The following PDE7B variants were observed in gnomAD, a reference collection of about 807,000 sequenced individuals.
The protein encoded by PDE7B is phosphodiesterase 7B, also known as 3',5'-cyclic-AMP phosphodiesterase 7B.
In PDE7B, 29 loss-of-function variants were observed where a neutral mutation model predicts 56.2. The ratio of observed to expected loss-of-function variants is 0.52; its 90% CI spans 0.38 to 0.70. The LOEUF is 0.70. PDE7B is among the 30% of genes least tolerant of loss of function. The pLI, the probability that PDE7B is intolerant of heterozygous loss-of-function variation, is 0.00. For synonymous variants in PDE7B, 197 were observed against 196.9 expected (o/e 1.00, Z 0.00); for missense variants, 490 against 565.0 (o/e 0.87, Z 1.35).
At chr6:136,008,615 G>A (rs1387765696) in intron 2 of PDE7B, among the ~76,000 whole-genome samples, 4 of 152,158 alleles carry the variant, frequency 2.6e-5, no homozygotes, top group Admixed American at 2.6e-4. Flanking sequence ...TGTGTCTTTT[G>A]GCTGCATAAA....
intron 2 of PDE7B, among the ~76,000 whole-genome samples, chr6:135,998,191 C>T (rs1321613643): frequency 1.3e-5 from 2 of 151,970 alleles, no homozygotes; most frequent in African/African-American, 4.8e-5. Context: ...CATAGTTTTT[C>T]CAAGTAAAAA....
chr6:135,943,270 T>C (rs1774537939), intron 1 of PDE7B, among the ~76,000 whole-genome samples: 1 of 152,198 alleles, frequency 6.6e-6, no homozygotes, highest in Non-Finnish European at 1.5e-5. Flanking sequence ...TATATTACCC[T>C]GTTTTACAGA....
At chr6:135,928,145 G>A (rs553985119) in intron 1 of PDE7B, among the ~76,000 whole-genome samples, 1 of 152,022 alleles carries the variant, frequency 6.6e-6, no homozygotes, top group East Asian at 1.9e-4. Context: ...AACAACAGAT[G>A]TTGGCAAGGT....
At chr6:135,918,463 C>T (rs1300190555) in intron 1 of PDE7B, among the ~76,000 whole-genome samples, 1 of 152,130 alleles carries the variant, frequency 6.6e-6, no homozygotes, top group African/African-American at 2.4e-5. Flanking sequence ...AGGCCTAAGA[C>T]ATTTTCTTTA....
chr6:136,127,509 T>A (rs1778043405), intron 3 of PDE7B, among the ~76,000 whole-genome samples: 1 of 152,226 alleles, frequency 6.6e-6, no homozygotes, highest in African/African-American at 2.4e-5. Flanking sequence ...ATCAGTAATA[T>A]TCTACTATTA....
chr6:136,089,586 CAT>C (rs1777352329), intron 2 of PDE7B, among the ~76,000 whole-genome samples: 1 of 152,072 alleles, frequency 6.6e-6, no homozygotes, highest in African/African-American at 2.4e-5. Flanking sequence ...AGTTGAAAAA[CAT>C]AATCAGAATG....
intron 12 of PDE7B, among the ~76,000 whole-genome samples, chr6:136,190,679 C>T (rs780455103): frequency 6.6e-6 from 1 of 152,014 alleles, no homozygotes; most frequent in Non-Finnish European, 1.5e-5. Flanking sequence ...AGCACATTAA[C>T]GCGGCAAAAC....
chr6:135,919,499 A>G (rs776247291), intron 1 of PDE7B, among the ~76,000 whole-genome samples: 1 of 152,222 alleles, frequency 6.6e-6, no homozygotes, highest in African/African-American at 2.4e-5. Context: ...CCCTACAACC[A>G]CATATAGATT....
intron 1 of PDE7B, among the ~76,000 whole-genome samples, chr6:135,917,314 G>A (rs1773972385): frequency 6.6e-6 from 1 of 151,576 alleles, no homozygotes; most frequent in African/African-American, 2.4e-5. Flanking sequence ...GTTTGCATAG[G>A]TTATTTTTTT....
chr6:136,177,941 T>C (rs1466472933), intron 9 of PDE7B, among the ~76,000 whole-genome samples: 1 of 152,108 alleles, frequency 6.6e-6, no homozygotes, highest in African/African-American at 2.4e-5. Flanking sequence ...TGGCATACAC[T>C]GTAACAAAAA....
chr6:136,016,063 G>C (rs560444576), intron 2 of PDE7B, among the ~76,000 whole-genome samples: 1 of 152,266 alleles, frequency 6.6e-6, no homozygotes, highest in African/African-American at 2.4e-5. Context: ...GATTGTTAAT[G>C]TTAGTGTTAT....
intron 2 of PDE7B, among the ~76,000 whole-genome samples, chr6:136,091,078 C>T (rs1583875698): frequency 2.0e-5 from 3 of 152,272 alleles, no homozygotes; most frequent in South Asian, 4.2e-4. Flanking sequence ...CATGTGTCCT[C>T]TCTATTTTGT....
intron 2 of PDE7B, among the ~76,000 whole-genome samples, chr6:136,005,095 C>T (rs1438016124): frequency 6.6e-6 from 1 of 152,118 alleles, no homozygotes; most frequent in African/African-American, 2.4e-5. Context: ...GAAAAACAAG[C>T]AATGGGTAAA....
At chr6:136,039,701 G>A (rs1358801370) in intron 2 of PDE7B, among the ~76,000 whole-genome samples, 1 of 152,212 alleles carries the variant, frequency 6.6e-6, no homozygotes, top group Admixed American at 6.5e-5. Context: ...ATAGGAAAGT[G>A]AGGGAAACGA....
At chr6:136,050,902 C>A (rs1776611741) in intron 2 of PDE7B, among the ~76,000 whole-genome samples, 1 of 152,092 alleles carries the variant, frequency 6.6e-6, no homozygotes, top group South Asian at 2.1e-4. Context: ...CTTTCTCCTC[C>A]TCCTCCTCCT....
intron 2 of PDE7B, among the ~76,000 whole-genome samples, chr6:135,966,883 C>G (rs1436269521): frequency 6.6e-6 from 1 of 152,254 alleles, no homozygotes; most frequent in East Asian, 1.9e-4. Context: ...AATTATTGAG[C>G]ATCTACTGTA....
chr6:135,987,830 C>T (rs1454697128), intron 2 of PDE7B, among the ~76,000 whole-genome samples: 1 of 150,986 alleles, frequency 6.6e-6, no homozygotes, highest in Non-Finnish European at 1.5e-5. Flanking sequence ...AATAAAGACA[C>T]ACACACACAC....
intron 2 of PDE7B, among the ~76,000 whole-genome samples, chr6:135,984,978 G>A (rs956503429): frequency 6.6e-6 from 1 of 152,036 alleles, no homozygotes; most frequent in Admixed American, 6.6e-5. Flanking sequence ...AGGCTACATG[G>A]GAGAGAGAAT....
In PDE7B at chr6:135,925,245, C is replaced by T. The variant is rs921025005; in HGVS notation, c.22-22219C>T. Among the ~76,000 whole-genome samples, 4 of 152,010 alleles carry T rather than the reference C, an allele frequency of 2.6e-5. No homozygotes were observed. The East Asian group carries it at 5.8e-4, about 22-fold the overall frequency. On this transcript the variant is annotated intron_variant, in intron 1 of 12. Coordinates refer to ENST00000308191, the MANE Select transcript of PDE7B (RefSeq NM_018945.4). ...CTTGGAAAGAGTCAGTAACAGGGTC[C>T]TCAGGCAGTTTAGATCTTGAGTGAA...
Sources: gnomAD v4.1 joint callset for allele counts (sites outside exome capture counted in the v4.1 genomes callset) on GRCh38, gnomAD v4.1.1 for gene constraint, MANE v1.5 for transcripts, NCBI Gene and HGNC (gene_info 2026-07-23, HGNC 2026-07-21) for gene names.